The following TMEM143 variants were observed in gnomAD, a reference collection of about 807,000 sequenced individuals.
The protein encoded by TMEM143 is transmembrane protein 143.
A neutral mutation model predicts 40.3 loss-of-function variants in TMEM143; 45 were observed. That is an observed-to-expected ratio of 1.12 (90% confidence interval 0.88 to 1.43). TMEM143 has a LOEUF of 1.43. TMEM143 is among the 40% of genes most tolerant of loss of function. TMEM143 has a pLI of 0.00. For missense variants in TMEM143, 620 were observed against 613.4 expected (o/e 1.01, Z -0.11); for synonymous variants, 299 against 282.7 (o/e 1.06, Z -0.58).
At chr19:48,362,422 G>A (rs1320633499) in intron 2 of TMEM143, among the ~76,000 whole-genome samples, 3 of 152,160 alleles carry the variant, frequency 2.0e-5, no homozygotes, top group Non-Finnish European at 2.9e-5. Flanking sequence ...CCTCTCGGGG[G>A]CTGAGGAAGG....
At chr19:48,337,756 C>T (rs540889755) in intron 6 of TMEM143, among the ~76,000 whole-genome samples, 6 of 152,230 alleles carry the variant, frequency 3.9e-5, no homozygotes, top group East Asian at 1.9e-4. Flanking sequence ...ACCAATGACA[C>T]GCTTGCATGT....
intron 6 of TMEM143, among the ~76,000 whole-genome samples, chr19:48,342,053 G>T (rs1350879896): frequency 6.7e-6 from 1 of 148,182 alleles, no homozygotes; most frequent in Non-Finnish European, 1.5e-5. Context: ...AGGGAGGGGA[G>T]CGGAGGAGAG....
intron 3 of TMEM143, among the ~76,000 whole-genome samples, chr19:48,350,279 G>GGGAT (rs1045042712): frequency 1.3e-5 from 2 of 151,744 alleles, no homozygotes; most frequent in Admixed American, 1.3e-4. Context: ...CCAAAGTGCT[G>GGGAT]GGATTACAGG....
At position 48,363,506 on chromosome 19, in the gene TMEM143, G is replaced by A. The variant is rs1970113804; in HGVS notation, c.49C>T (p.Leu17=). ...LRLRGKGLAM[L]HVTRGVWGSR... The stretch of plus-strand genomic sequence containing the variant: ...CCCCAGACCCCCCGGGTCACATGCA[G>A]CATGGCTAGACCCTTTCCCCGGAGC... Residue 17 remains leucine (L), a synonymous_variant, in exon 2 of 8, where the codon CTG becomes TTG. Coordinates refer to ENST00000293261, the MANE Select transcript of TMEM143 (RefSeq NM_018273.4). The A allele has an allele frequency of 6.2e-7, 1 of 1,613,518 alleles. No individual in the cohort carries two copies. The highest frequency in any genetic ancestry group is 8.5e-7 in the Non-Finnish European group (1 of 1,179,852).
In TMEM143 at chr19:48,333,300, G is replaced by C; in HGVS notation, c.1299C>G (p.Pro433=). The C allele has an allele frequency of 4.4e-6, 7 of 1,584,422 alleles. No individual in the cohort carries two copies. In the South Asian group the frequency reaches 7.9e-5, roughly 18 times the overall value. ...CTGGGTCTAGTTTGGGGAAACCCGG[G>C]GGTGGGTACAATCCCATGCTGGGGG... ...ALTPSMGLYP[P]PGFPKLDPVA... The change falls in exon 8 of 8, where the codon CCC becomes CCG. Residue 433 remains proline, a synonymous_variant. Transcript: ENST00000293261. This position sits in a 1 kb window ranked among gnomAD's most constrained non-coding sequence, Gnocchi z 4.1.
chr19:48,357,349 C>CTTTTTT (rs1195099137), intron 3 of TMEM143, among the ~76,000 whole-genome samples: 6 of 74,836 alleles, frequency 8.0e-5, no homozygotes, highest in African/African-American at 2.1e-4. Flanking sequence ...GTCTATCTTT[C>CTTTTTT]TTTTTTTTTT....
chr19:48,363,915 T>A lies in TMEM143; in HGVS notation c.6A>T (p.Thr2=). ...TCCCTCACCTTAGCCAAAGCTCGAC[T>A]GTCATTGAGCCTCCTGCGCATGTGC... M[T]VELWLRLRGK... The change falls in exon 1 of 8, where the codon ACA becomes ACT. Residue 2 remains threonine, a synonymous_variant. Transcript: ENST00000293261. The A allele has an allele frequency of 6.2e-7, 1 of 1,613,746 alleles. No homozygotes were observed. The highest frequency in any genetic ancestry group is 2.2e-5 in the East Asian group (1 of 44,862).
At chr19:48,361,827 T>C (rs577443841) in intron 2 of TMEM143, among the ~76,000 whole-genome samples, 221 of 152,272 alleles carry the variant, frequency 1.5e-3, no homozygotes, top group Non-Finnish European at 2.2e-3. Context: ...GCGCCCGGCC[T>C]TGAACCACTT....
intron 6 of TMEM143, 22 bp from the exon 7 acceptor site, chr19:48,334,219 G>A (rs947114630): frequency 7.0e-6 from 11 of 1,572,700 alleles, no homozygotes; most frequent in African/African-American, 2.7e-5. Flanking sequence ...ACAGCGCCCC[G>A]TGGGCTCAGT....
At chr19:48,363,567 T>G (rs1970118808) in intron 1 of TMEM143, 36 bp from the exon 2 acceptor site, 1 of 1,561,106 alleles carries the variant, frequency 6.4e-7, no homozygotes, top group Non-Finnish European at 8.7e-7. Context: ...TCAAAGGCCA[T>G]CTAGAGGAAA....
At chr19:48,350,348 G>C (rs1166285392) in intron 3 of TMEM143, among the ~76,000 whole-genome samples, 1 of 151,918 alleles carries the variant, frequency 6.6e-6, no homozygotes. Context: ...CTACTATAAC[G>C]GACAGTTCCA....
At chr19:48,335,595 T>C (rs564073164) in intron 6 of TMEM143, among the ~76,000 whole-genome samples, 1 of 152,170 alleles carries the variant, frequency 6.6e-6, no homozygotes, top group Admixed American at 6.5e-5. Flanking sequence ...TGGTGGCTCA[T>C]GCCTGTAATC....
At chr19:48,348,920 A>G (rs1969705174) in intron 3 of TMEM143, among the ~76,000 whole-genome samples, 1 of 152,130 alleles carries the variant, frequency 6.6e-6, no homozygotes. Context: ...TCATGCCTGT[A>G]ATCCCAGTAG....
intron 3 of TMEM143, among the ~76,000 whole-genome samples, chr19:48,346,655 G>A (rs1315352069): frequency 2.6e-5 from 4 of 151,984 alleles, no homozygotes; most frequent in African/African-American, 9.7e-5. Flanking sequence ...TCAGCTCACT[G>A]CAATCTCCAC....
chr19:48,341,408 A>T (rs759174134), intron 6 of TMEM143, among the ~76,000 whole-genome samples: 8 of 152,194 alleles, frequency 5.3e-5, no homozygotes, highest in Non-Finnish European at 7.3e-5. Context: ...CCTGGGCCCC[A>T]GTCCCAGAGT....
At chr19:48,345,986 T>C (rs1312733568) in intron 3 of TMEM143, among the ~76,000 whole-genome samples, 2 of 151,754 alleles carry the variant, frequency 1.3e-5, no homozygotes, top group Non-Finnish European at 2.9e-5. Flanking sequence ...GGTTTCACCA[T>C]GTTGGTCAGG....
intron 3 of TMEM143, among the ~76,000 whole-genome samples, chr19:48,351,967 G>T (rs116462267): frequency 0.019 from 2,835 of 152,100 alleles, 78 homozygotes; most frequent in African/African-American, 0.065. Flanking sequence ...CATGTCTGCA[G>T]CCGGGCGCGG....
At chr19:48,348,018 CCT>C (rs1199448271) in intron 3 of TMEM143, among the ~76,000 whole-genome samples, 1 of 140,666 alleles carries the variant, frequency 7.1e-6, no homozygotes, top group African/African-American at 2.6e-5. Flanking sequence ...AGAGCGAGAC[CCT>C]GTCTCAAAAA....
intron 6 of TMEM143, among the ~76,000 whole-genome samples, chr19:48,341,380 T>G (rs1249111365): frequency 6.6e-6 from 1 of 152,056 alleles, no homozygotes; most frequent in Non-Finnish European, 1.5e-5. Flanking sequence ...AAAAGGGAGC[T>G]TGTTAAAAAT....
Sources: gnomAD v4.1 joint callset for allele counts (sites outside exome capture counted in the v4.1 genomes callset) on GRCh38, gnomAD v4.1.1 for gene constraint, Gnocchi (gnomAD v3.1) non-coding constraint, MANE v1.5 for transcripts, NCBI Gene and HGNC (gene_info 2026-07-23, HGNC 2026-07-21) for gene names.